Variants in CELSR2 observed in about 807,000 individuals in gnomAD.
The protein encoded by CELSR2 is cadherin EGF LAG seven-pass G-type receptor 2.
Under a neutral mutation model 251.6 loss-of-function variants are expected in CELSR2, and 81 were observed. The observed-to-expected ratio is 0.32, with a 90% CI of 0.27 to 0.39. The LOEUF (loss-of-function observed/expected upper bound fraction) is 0.39. CELSR2 is among the 10% of genes least tolerant of loss of function. CELSR2 has a pLI of 1.00. For missense variants in CELSR2, 3,365 were observed against 3,947.7 expected, an observed-to-expected ratio of 0.85 and a Z score of 3.96; for synonymous variants, 1,721 against 1,670.5, an observed-to-expected ratio of 1.03 and a Z score of -0.74.
At chr1:109,253,432 G>A (rs765175190) in intron 1 of CELSR2, 43 bp downstream of exon 1, 73 of 1,574,322 alleles carry the variant, frequency 4.6e-5, no homozygotes, top group Middle Eastern at 3.6e-4. Context: ...GGTAGCTCGC[G>A]GGGATGGTCT....
intron 29 of CELSR2, 74 bp downstream of exon 29, chr1:109,272,479 T>C (rs1027299355): frequency 1.9e-6 from 3 of 1,556,176 alleles, no homozygotes; most frequent in Non-Finnish European, 2.6e-6. Context: ...CAGCCAGCTG[T>C]TGGGAGTTGA....
Position 109,250,845 on chromosome 1 carries a change from G to A in CELSR2, c.766G>A (p.Val256Ile), listed in dbSNP as rs1655666635. The change falls in exon 1 of 34, where the codon GTC (valine) becomes ATC (isoleucine). Residue 256 changes from valine (V) to isoleucine (I), a missense_variant. This residue lies in a region of CELSR2 where 704 missense variants were observed against 784.1 expected (regional missense o/e 0.90). Transcript: ENST00000271332. The surrounding 1 kb of genome is among the most constrained non-coding windows in gnomAD (Gnocchi z 4.4). ...ELDRETKSTH[V>I]FRVTAQDHGM... ...GGATCGTGAGACCAAGAGCACCCAC[G>A]TCTTCAGGGTCACGGCGCAGGACCA... The A allele has an allele frequency of 1.2e-6, 2 of 1,614,006 alleles. No individual in the cohort carries two copies. Among genetic ancestry groups the A allele is most frequent in the East Asian group, 2.2e-5 (1 of 44,890 alleles).
At position 109,266,258 on chromosome 1, in the gene CELSR2, G is replaced by A. The variant is rs1440179915; in HGVS notation, c.6013+52G>A. ...GTCGAGGACATGGCCTCTGCTGTTA[G>A]TGGGATGAGGGCAGGAAGCTCCTGG... On this transcript the variant is annotated intron_variant, in intron 15 of 33. Coordinates refer to ENST00000271332, the MANE Select transcript of CELSR2 (RefSeq NM_001408.3). 2.5e-6 allele frequency: 4 copies of A among 1,597,196 alleles called. No homozygotes were observed. The African/African-American group carries it at 4.0e-5, about 16-fold the overall frequency.
chr1:109,251,971 C>T lies in CELSR2; in HGVS notation c.1892C>T (p.Thr631Met), dbSNP rs41279706. The stretch of plus-strand genomic sequence containing the variant: ...GCAGCTGTGGGCACCAGCGTGGTGA[C>T]GGTGTCAGCTGTGGACCGTGATGCT... ...EDAAVGTSVV[T>M]VSAVDRDAHS... Residue 631 changes from threonine to methionine, a missense_variant, in exon 1 of 34, where the codon ACG (threonine) becomes ATG (methionine). This residue lies in a region of CELSR2 where 60 missense variants were observed against 104.8 expected (regional missense o/e 0.57). Coordinates refer to ENST00000271332, the MANE Select transcript of CELSR2 (RefSeq NM_001408.3). The surrounding 1 kb of genome is among the most constrained non-coding windows in gnomAD (Gnocchi z 4.9). The T allele has an allele frequency of 5.1e-3, 8,309 of 1,614,108 alleles. 38 individuals carry two copies. The highest frequency in any genetic ancestry group is 6.3e-3 in the Non-Finnish European group (7,469 of 1,180,030).
At position 109,250,183 on chromosome 1, in the gene CELSR2, G is replaced by A; in HGVS notation, c.104G>A (p.Gly35Glu). 1 of 1,600,314 alleles carries A rather than the reference G, an allele frequency of 6.2e-7. No homozygotes were observed. The highest frequency in any genetic ancestry group is 1.3e-5 in the African/African-American group (1 of 74,198). The change falls in exon 1 of 34, where the codon GGG becomes GAG. Residue 35 changes from glycine to glutamate, a missense_variant. This residue lies in a region of CELSR2 where 704 missense variants were observed against 784.1 expected (regional missense o/e 0.90). Coordinates refer to ENST00000271332, the MANE Select transcript of CELSR2 (RefSeq NM_001408.3). The surrounding 1 kb of genome is among the most constrained non-coding windows in gnomAD (Gnocchi z 4.4). The part of the protein sequence containing the change: ...LPPPLLGDQV[G>E]PCRSLGSRGR... ...CCGCCACTATTGGGAGACCAAGTGG[G>A]GCCCTGTCGTTCCTTGGGGTCCAGG...
chr1:109,263,188 TG>T lies in CELSR2; in HGVS notation c.4760del (p.Gly1587AlafsTer4). The stretch of plus-strand genomic sequence containing the variant: ...TGTGTGACAGCAACACTTGCCACAA[TG>T]GGGGCACTTGCGTGAACCAGTGGGA... ...NVCDSNTCHNGGTCVNQWDAF... is the reference protein window; with the variant it reads ...NVCDSNTCHNXGTCVNQWDAF... On this transcript the variant is annotated frameshift_variant, in exon 8 of 34. Transcript: ENST00000271332. LOFTEE classifies it high-confidence loss of function. 6.2e-7 allele frequency: 1 copy of T among 1,600,614 alleles called. No homozygotes were observed. Among genetic ancestry groups the T allele is most frequent in the Non-Finnish European group, 8.6e-7 (1 of 1,169,108 alleles).
Position 109,274,062 on chromosome 1 carries a change from G to A in CELSR2, c.*13G>A. The A allele has an allele frequency of 7.4e-6, 12 of 1,613,986 alleles. No individual in the cohort carries two copies. Among genetic ancestry groups the A allele is most frequent in the Non-Finnish European group, 1.0e-5 (12 of 1,180,002 alleles). On this transcript the variant is annotated 3_prime_UTR_variant, in exon 34 of 34. Coordinates refer to ENST00000271332, the MANE Select transcript of CELSR2 (RefSeq NM_001408.3). ...CTTCCTGCATTAACCCTGGGCCGTG[G>A]TTCCTACGCCCGAGGCTCCCTTCCC... is the stretch of plus-strand genomic sequence containing the variant.
At chr1:109,262,151 A>ACACGTGTGCT in intron 5 of CELSR2, 136 bp from the exon 6 acceptor site, 1 of 1,268,368 alleles carries the variant, frequency 7.9e-7, no homozygotes, top group Non-Finnish European at 1.1e-6. Context: ...CCACGTGAGC[A>ACACGTGTGCT]CACGTGTGTG....
chr1:109,266,083 G>T, intron 14 of CELSR2, 22 bp from the exon 15 acceptor site: 1 of 1,612,676 alleles, frequency 6.2e-7, no homozygotes, highest in South Asian at 1.1e-5. Flanking sequence ...GCTCCTGGGT[G>T]ACCATGTGCT....
chr1:109,264,978 C>A lies in CELSR2; in HGVS notation c.5575C>A (p.Pro1859Thr). 1 of 1,614,166 alleles carries A rather than the reference C, an allele frequency of 6.2e-7. No individual in the cohort carries two copies. Among genetic ancestry groups the A allele is most frequent in the Middle Eastern group, 1.6e-4 (1 of 6,062 alleles). ...CCATGGCTATACCTGCGAGTGTCCC[C>A]CAAATTACCTTGGGCCATACTGTGA... ...APHGYTCECPPNYLGPYCETR... is the reference protein window; with the variant it reads ...APHGYTCECPTNYLGPYCETR... The change falls in exon 12 of 34, where the codon CCA becomes ACA. Residue 1859 changes from proline (P) to threonine (T), a missense_variant. Pro to Thr is a conservative substitution (Grantham distance 38). Coordinates refer to ENST00000271332, the MANE Select transcript of CELSR2 (RefSeq NM_001408.3).
Position 109,255,051 on chromosome 1 carries a change from T to A in CELSR2, c.3310+1662T>A, listed in dbSNP as rs955299877. Among the ~76,000 whole-genome samples, 29 of 152,262 alleles carry A rather than the reference T, an allele frequency of 1.9e-4. 1 individual carries two copies. The highest frequency in any genetic ancestry group is 4.1e-4 in the Non-Finnish European group (28 of 68,018). ...CCCACCAGGGCAGAGCCCTAGACCT[T>A]GGTTCCCTAGTCTAGAGAAGGCTCG... On this transcript the variant is annotated intron_variant, in intron 1 of 33. Coordinates refer to ENST00000271332, the MANE Select transcript of CELSR2 (RefSeq NM_001408.3).
At position 109,261,009 on chromosome 1, in the gene CELSR2, A is replaced by C; in HGVS notation, c.3959-33A>C. Reference sequence around the variant, plus strand: ...CTCAGTTCCCCTCCTGTCCTCAGGTACTTGGTACTCACCTGCCTTTCCTCT... The same window carrying C: ...CTCAGTTCCCCTCCTGTCCTCAGGTCCTTGGTACTCACCTGCCTTTCCTCT... On this transcript the variant is annotated intron_variant, in intron 2 of 33. Coordinates refer to ENST00000271332, the MANE Select transcript of CELSR2 (RefSeq NM_001408.3). The surrounding 1 kb of genome is among the most constrained non-coding windows in gnomAD (Gnocchi z 4.8). 1 of 1,536,928 alleles carries C rather than the reference A, an allele frequency of 6.5e-7. No individual in the cohort carries two copies. The highest frequency in any genetic ancestry group is 1.4e-5 in the African/African-American group (1 of 73,580).
chr1:109,251,459 C>T lies in CELSR2; in HGVS notation c.1380C>T (p.Ser460=), dbSNP rs1224593022. The change falls in exon 1 of 34, where the codon AGC becomes AGT. Residue 460 remains serine (S), a synonymous_variant. Coordinates refer to ENST00000271332, the MANE Select transcript of CELSR2 (RefSeq NM_001408.3). This position sits in a 1 kb window ranked among gnomAD's most constrained non-coding sequence, Gnocchi z 4.9. ...AGACTGGAGCTCTGGATGTGGTGAG[C>T]CCTCTTGACTATGAGACGACCAAGG... ...DAQTGALDVV[S]PLDYETTKEY... is the part of the protein sequence containing the mutation. 1 of 1,613,786 alleles carries T rather than the reference C, an allele frequency of 6.2e-7. No homozygotes were observed. The highest frequency in any genetic ancestry group is 1.7e-5 in the Admixed American group (1 of 60,016).
chr1:109,271,163 G>A (rs1656361051), intron 25 of CELSR2, 54 bp from the exon 26 acceptor site: 1 of 1,571,308 alleles, frequency 6.4e-7, no homozygotes, highest in African/African-American at 1.4e-5. Context: ...CCTGTGGGCT[G>A]GGTGGAAGCT....
In CELSR2 at chr1:109,262,452, G is replaced by C; in HGVS notation, c.4544+8G>C. 1.2e-6 allele frequency: 2 copies of C among 1,612,934 alleles called. No individual in the cohort carries two copies. The highest frequency in any genetic ancestry group is 1.7e-6 in the Non-Finnish European group (2 of 1,179,878). Reference sequence around the variant, plus strand: ...CCAGGGTGGCAGCAAGAAGTGAGCAGGGGAAAGGGCCAGGGATGGGGTGAA... The same window carrying C: ...CCAGGGTGGCAGCAAGAAGTGAGCACGGGAAAGGGCCAGGGATGGGGTGAA... On this transcript the variant is annotated splice_region_variant and intron_variant, in intron 6 of 33. Transcript: ENST00000271332.
chr1:109,269,703 C>T lies in CELSR2; in HGVS notation c.6990C>T (p.Gly2330=), dbSNP rs375104560. The change falls in exon 22 of 34, where the codon GGC becomes GGT. Residue 2330 remains glycine (G), a synonymous_variant. Coordinates refer to ENST00000271332, the MANE Select transcript of CELSR2 (RefSeq NM_001408.3). The surrounding 1 kb of genome is among the most constrained non-coding windows in gnomAD (Gnocchi z 6.4). ...TGCCTTCCTCACACAGGGTCAGTGG[C>T]ACAGGTGGCTGGTCGGCCAGAGGCT... ...VFWNHSILVS[G]TGGWSARGCE... 3 of 1,614,000 alleles carry T rather than the reference C, an allele frequency of 1.9e-6. No homozygotes were observed. Among genetic ancestry groups the T allele is most frequent in the African/African-American group, 1.3e-5 (1 of 74,940 alleles).
At chr1:109,258,172 C>T (rs780903157) in intron 1 of CELSR2, among the ~76,000 whole-genome samples, 13 of 152,078 alleles carry the variant, frequency 8.5e-5, no homozygotes, top group South Asian at 2.1e-4. Flanking sequence ...GGAGCAGGAG[C>T]GGTGGCTTGG....
chr1:109,258,790 C>G lies in CELSR2; in HGVS notation c.3669C>G (p.Arg1223=). The part of the protein sequence containing the change: ...RSLLTAISAQ[R]VLPFDDNICL... ...TGCTGACGGCCATCTCGGCACAGCG[C>G]GTGCTGCCCTTCGACGACAACATCT... The change falls in exon 2 of 34, where the codon CGC becomes CGG. Residue 1223 remains arginine (R), a synonymous_variant. Transcript: ENST00000271332. 1 of 1,608,188 alleles carries G rather than the reference C, an allele frequency of 6.2e-7. No individual in the cohort carries two copies. The highest frequency in any genetic ancestry group is 8.5e-7 in the Non-Finnish European group (1 of 1,177,534).
rs1656241093 is a variant in CELSR2, at chr1:109,267,655, C to T, written c.6108+13C>T. On this transcript the variant is annotated intron_variant, in intron 16 of 33. Coordinates refer to ENST00000271332, the MANE Select transcript of CELSR2 (RefSeq NM_001408.3). ...ACTGAAGGGCTTCGTAAGTGAACCC[C>T]CTCATCTCCATCTTTTCCCTGTCCT... 1 of 1,613,772 alleles carries T rather than the reference C, an allele frequency of 6.2e-7. No homozygotes were observed. Among genetic ancestry groups the T allele is most frequent in the Admixed American group, 1.7e-5 (1 of 59,988 alleles).
Sources: gnomAD v4.1 joint callset for allele counts (sites outside exome capture counted in the v4.1 genomes callset) on GRCh38, gnomAD v4.1.1 for gene constraint, gnomAD v4.1.1 regional missense constraint, Gnocchi (gnomAD v3.1) non-coding constraint, MANE v1.5 for transcripts, NCBI Gene and HGNC (gene_info 2026-07-23, HGNC 2026-07-21) for gene names.